The following COPS7B variants were observed in gnomAD, a reference collection of about 807,000 sequenced individuals.
The protein encoded by COPS7B is COP9 signalosome subunit 7B.
In COPS7B, 9 loss-of-function variants were observed where a neutral mutation model predicts 33.4. The observed-to-expected ratio is 0.27, with a 90% CI of 0.16 to 0.47. COPS7B has a LOEUF of 0.47. Ranked by LOEUF, COPS7B falls within the 20% of genes least tolerant of loss-of-function variation. The probability of loss-of-function intolerance (pLI) is 0.99; values close to 1 mark genes in which losing one functional copy is unlikely to be tolerated. For missense variants in COPS7B, 242 were observed against 318.2 expected, an observed-to-expected ratio of 0.76 and a Z score of 1.82; for synonymous variants, 119 against 126.3, an observed-to-expected ratio of 0.94 and a Z score of 0.39.
At chr2:231,786,641 G>A in intron 1 of COPS7B, 103 bp downstream of exon 1, 3 of 447,520 alleles carry the variant, frequency 6.7e-6, no homozygotes, top group Non-Finnish European at 8.9e-6. Flanking sequence ...GGCCGTGCCC[G>A]CCCCGCCCCC....
chr2:231,791,690 G>A (rs769376174), intron 2 of COPS7B, 43 bp from the exon 3 acceptor site: 2 of 1,534,166 alleles, frequency 1.3e-6, no homozygotes, highest in Non-Finnish European at 9.0e-7. Flanking sequence ...ACAGTGATTG[G>A]TAGACAGTTT....
At chr2:231,791,540 TTGGGGCTTTAATAA>T (rs2049416396) in intron 2 of COPS7B, 179 bp from the exon 3 acceptor site, 1 of 572,220 alleles carries the variant, frequency 1.7e-6, no homozygotes, top group African/African-American at 1.9e-5. Context: ...GAAATTAAAT[TTGGGGCTTTAATAA>T]TCTTGTTTAT....
Position 231,808,244 on chromosome 2 carries a change from C to G in COPS7B, c.*599C>G, listed in dbSNP as rs1298279037. ...CCACGGGTTTTCAGCCTCTTAAGCC[C>G]AGCTCCGATCTCCAATTAGTTGAGA... On this transcript the variant is annotated 3_prime_UTR_variant, in exon 7 of 7. Transcript: ENST00000350033. 8 of 352,194 alleles carry G rather than the reference C, an allele frequency of 2.3e-5. No homozygotes were observed. Among genetic ancestry groups the G allele is most frequent in the South Asian group, 1.3e-4 (6 of 46,374 alleles). The allele number at this position is 352,194 out of a possible 1,614,324, so 21.8% of individuals were successfully genotyped here.
intron 6 of COPS7B, among the ~76,000 whole-genome samples, chr2:231,801,630 CTT>C (rs199606465): frequency 1.6e-4 from 21 of 130,964 alleles, no homozygotes; most frequent in Non-Finnish European, 2.3e-4. Context: ...TTTTTCTTTT[CTT>C]TTTTTTTTTT....
intron 6 of COPS7B, among the ~76,000 whole-genome samples, chr2:231,800,525 T>C (rs2049713647): frequency 6.6e-6 from 1 of 152,228 alleles, no homozygotes; most frequent in Admixed American, 6.5e-5. Flanking sequence ...ATACTTGTTT[T>C]AGAATTTTGA....
At chr2:231,804,843 ATCT>A (rs1323273926) in intron 6 of COPS7B, among the ~76,000 whole-genome samples, 2 of 152,208 alleles carry the variant, frequency 1.3e-5, no homozygotes, top group Non-Finnish European at 2.9e-5. Flanking sequence ...AAATTGCAGG[ATCT>A]TCTTTGGAAG....
In COPS7B at chr2:231,786,494, G is replaced by T. The variant is rs1020253333; in HGVS notation, c.-61G>T. The T allele has an allele frequency of 1.0e-6, 1 of 985,974 alleles. No homozygotes were observed. Among genetic ancestry groups the T allele is most frequent in the Non-Finnish European group, 1.2e-6 (1 of 830,090 alleles). 61.1% of individuals were successfully genotyped at this position (985,974 alleles called of 1,614,324 possible). On this transcript the variant is annotated 5_prime_UTR_variant, in exon 1 of 7. Transcript: ENST00000350033. ...TTGACAACCTGCGGGCAGGCGCCGGGAGGCCGAGCCAGCGACTAAGAGGAC... is the reference window on the plus strand; with the variant it reads ...TTGACAACCTGCGGGCAGGCGCCGGTAGGCCGAGCCAGCGACTAAGAGGAC...
intron 4 of COPS7B, among the ~76,000 whole-genome samples, chr2:231,794,913 C>T (rs745922136): frequency 1.1e-4 from 16 of 151,534 alleles, no homozygotes; most frequent in Admixed American, 2.0e-4. Flanking sequence ...CCACCCCGCC[C>T]GGCTAATTTT....
intron 6 of COPS7B, among the ~76,000 whole-genome samples, chr2:231,803,593 A>ACAGAAAG (rs1200386255): frequency 6.6e-6 from 1 of 152,216 alleles, no homozygotes; most frequent in Non-Finnish European, 1.5e-5. Context: ...GAAAGTGTCC[A>ACAGAAAG]TGCTTCTGTC....
Position 231,808,385 on chromosome 2 carries a change from T to G in COPS7B, c.*740T>G. 2.1e-6 allele frequency: 1 copy of G among 468,250 alleles called. No individual in the cohort carries two copies. The highest frequency in any genetic ancestry group is 1.6e-5 in the South Asian group (1 of 64,138). 29.0% of individuals were successfully genotyped at this position (468,250 alleles called of 1,614,324 possible). A position where few individuals can be genotyped will look rare whatever the true frequency, so the allele number is the denominator to read the frequency against. ...GTTCTCTCCTGGCCACTCTTCCTGC[T>G]GCCTCTGACTACTCAGCCTTGTTTT... On this transcript the variant is annotated 3_prime_UTR_variant, in exon 7 of 7. Transcript: ENST00000350033.
At chr2:231,790,276 A>T (rs2049375082) in intron 2 of COPS7B, 1 of 152,176 alleles carries the variant, frequency 6.6e-6, no homozygotes, top group African/African-American at 2.4e-5. Flanking sequence ...AGTCAGAAAG[A>T]CCTTATTGAT....
chr2:231,788,187 A>G (rs1574652790), intron 1 of COPS7B, among the ~76,000 whole-genome samples: 1 of 133,098 alleles, frequency 7.5e-6, no homozygotes, highest in Non-Finnish European at 1.5e-5. Flanking sequence ...CCCAGGCTGG[A>G]GTGCAGTGGC....
intron 4 of COPS7B, among the ~76,000 whole-genome samples, chr2:231,795,843 T>G (rs1356566620): frequency 3.3e-5 from 5 of 152,158 alleles, no homozygotes; most frequent in Non-Finnish European, 7.3e-5. Context: ...TTTTAGGATC[T>G]CTACAAGTAT....
upstream of COPS7B, among the ~76,000 whole-genome samples, chr2:231,784,311 TA>T (rs1174394894): frequency 3.6e-3 from 514 of 141,998 alleles, 1 homozygote; most frequent in East Asian, 8.3e-3. Flanking sequence ...ACCCCATCTT[TA>T]AAAAAAAAAA....
Position 231,788,100 on chromosome 2 carries a change from C to T in COPS7B, c.-16-455C>T, listed in dbSNP as rs565364882. On this transcript the variant is annotated intron_variant, in intron 1 of 6. Coordinates refer to ENST00000350033, the MANE Select transcript of COPS7B (RefSeq NM_022730.4). ...TAACTCCAGGTTGAACTCCACCCAT[C>T]TCATAAGGTGGTCATTGCATCTGGA... 2.7e-5 allele frequency among the ~76,000 whole-genome samples: 4 copies of T among 150,500 alleles called. No individual in the cohort carries two copies. The South Asian group carries it at 6.3e-4, about 24-fold the overall frequency.
At chr2:231,800,349 G>T (rs1490624218) in intron 6 of COPS7B, among the ~76,000 whole-genome samples, 2 of 152,194 alleles carry the variant, frequency 1.3e-5, no homozygotes, top group African/African-American at 4.8e-5. Context: ...GATGATGGTG[G>T]CCTTTTCTCT....
upstream of COPS7B, among the ~76,000 whole-genome samples, chr2:231,784,472 ACT>A (rs2049193759): frequency 6.6e-6 from 1 of 151,586 alleles, no homozygotes; most frequent in Non-Finnish European, 1.5e-5. Context: ...ACAGAGTAAG[ACT>A]CTGTCTCTTA....
intron 6 of COPS7B, 67 bp from the exon 7 acceptor site, chr2:231,807,420 C>T: frequency 6.9e-7 from 1 of 1,445,632 alleles, no homozygotes; most frequent in East Asian, 2.4e-5. Flanking sequence ...GAAGTGAAGA[C>T]ATAGTGAGAG....
At chr2:231,791,918 C>A in intron 3 of COPS7B, 110 bp downstream of exon 3, 1 of 944,236 alleles carries the variant, frequency 1.1e-6, no homozygotes, top group Non-Finnish European at 1.7e-6. Flanking sequence ...ACTTCTTGAC[C>A]TGGCTGCCTC....
Sources: allele counts gnomAD v4.1 joint callset (sites outside exome capture counted in the v4.1 genomes callset), GRCh38; gene constraint gnomAD v4.1.1; transcripts MANE v1.5; gene names NCBI Gene and HGNC (gene_info 2026-07-23, HGNC 2026-07-21).